The following FAM135B variants were observed in gnomAD, a reference collection of about 807,000 sequenced individuals.
The protein encoded by FAM135B is family with sequence similarity 135 member B, also known as protein FAM135B.
Under a neutral mutation model 127.7 loss-of-function variants are expected in FAM135B, and 43 were observed. That is an observed-to-expected ratio of 0.34 (90% confidence interval 0.26 to 0.43). FAM135B has a LOEUF of 0.43. Ranked by LOEUF, FAM135B falls within the 20% of genes least tolerant of loss-of-function variation. The pLI is 1.00. For missense variants in FAM135B, 1,558 were observed against 1,725.6 expected, an observed-to-expected ratio of 0.90 and a Z score of 1.72; for synonymous variants, 670 against 665.1, an observed-to-expected ratio of 1.01 and a Z score of -0.11.
At chr8:138,447,356 A>G (rs80142775) in intron 1 of FAM135B, among the ~76,000 whole-genome samples, 80,907 of 151,438 alleles carry the variant, frequency 0.53, 22,339 homozygotes, top group African/African-American at 0.65. Context: ...ACATGCACAC[A>G]TATGTTTATT....
At chr8:138,228,255 T>G (rs963895101) in intron 7 of FAM135B, among the ~76,000 whole-genome samples, 12 of 152,042 alleles carry the variant, frequency 7.9e-5, no homozygotes, top group African/African-American at 2.9e-4. Flanking sequence ...GGTAATATTT[T>G]TTTTTACTGC....
At chr8:138,342,979 A>T (rs1829158261) in intron 2 of FAM135B, among the ~76,000 whole-genome samples, 1 of 152,254 alleles carries the variant, frequency 6.6e-6, no homozygotes, top group African/African-American at 2.4e-5. Context: ...TGAGGTCTGT[A>T]TATTGATATA....
chr8:138,184,477 C>T (rs1434887537), intron 9 of FAM135B, among the ~76,000 whole-genome samples: 1 of 152,140 alleles, frequency 6.6e-6, no homozygotes, highest in Non-Finnish European at 1.5e-5. Context: ...CATACGGGGC[C>T]TTGTGGTTAC....
At chr8:138,383,423 A>G (rs1004144262) in intron 1 of FAM135B, among the ~76,000 whole-genome samples, 8 of 152,244 alleles carry the variant, frequency 5.3e-5, no homozygotes, top group Non-Finnish European at 1.0e-4. Context: ...CACAAAGGGA[A>G]TAGATGCATG....
At chr8:138,391,266 G>A (rs909289952) in intron 1 of FAM135B, among the ~76,000 whole-genome samples, 4 of 152,014 alleles carry the variant, frequency 2.6e-5, no homozygotes, top group Admixed American at 2.6e-4. Context: ...CTGTCTTATT[G>A]CCAGTGGGGG....
At chr8:138,224,301 A>G (rs1353135225) in intron 7 of FAM135B, among the ~76,000 whole-genome samples, 3 of 152,242 alleles carry the variant, frequency 2.0e-5, no homozygotes, top group Non-Finnish European at 4.4e-5. Flanking sequence ...TCAGGAAGGC[A>G]TAGGTGTCCA....
chr8:138,162,809 T>C (rs1205119959), intron 12 of FAM135B, among the ~76,000 whole-genome samples: 3 of 152,080 alleles, frequency 2.0e-5, no homozygotes, highest in Admixed American at 6.5e-5. Flanking sequence ...AGGTATGGGG[T>C]GTATGACGTC....
intron 1 of FAM135B, among the ~76,000 whole-genome samples, chr8:138,455,018 T>G (rs1358512215): frequency 6.6e-6 from 1 of 152,226 alleles, no homozygotes; most frequent in Non-Finnish European, 1.5e-5. Flanking sequence ...TTAGGGAACC[T>G]AGCTGAAATT....
At chr8:138,437,442 T>C (rs930591299) in intron 1 of FAM135B, 1 of 152,198 alleles carries the variant, frequency 6.6e-6, no homozygotes, top group Non-Finnish European at 1.5e-5. Context: ...TAAGGGGCTC[T>C]TCCCCCTTCA....
chr8:138,251,141 A>C (rs1821671251), intron 5 of FAM135B, 127 bp from the exon 6 acceptor site: 2 of 1,089,498 alleles, frequency 1.8e-6, no homozygotes, highest in African/African-American at 1.6e-5. Flanking sequence ...CAATCCTGCA[A>C]ATGCTCTGCC....
rs980830905 is a variant in FAM135B, at chr8:138,242,853, T to C, written c.669+89A>G. On this transcript the variant is annotated intron_variant, in intron 7 of 19. Transcript: ENST00000395297. The surrounding 1 kb of genome is among the most constrained non-coding windows in gnomAD (Gnocchi z 9.6). ...AATTAGCAAAAATCTCTGAAGGGGA[T>C]GTTTCAAAGAAGCATGAATCTCATA... 1.3e-6 allele frequency: 2 copies of C among 1,483,828 alleles called. No individual in the cohort carries two copies. The highest frequency in any genetic ancestry group is 1.8e-6 in the Non-Finnish European group (2 of 1,111,838). The allele number at this position is 1,483,828 out of a possible 1,614,324, so 91.9% of individuals were successfully genotyped here. A position where few individuals can be genotyped will look rare whatever the true frequency, so the allele number is the denominator to read the frequency against.
At chr8:138,296,046 A>G (rs1003234232) in intron 3 of FAM135B, among the ~76,000 whole-genome samples, 3 of 152,160 alleles carry the variant, frequency 2.0e-5, no homozygotes, top group Admixed American at 6.5e-5. Flanking sequence ...TAAGGCTCAG[A>G]TATTTGCTGC....
At chr8:138,236,803 C>A (rs1260209178) in intron 7 of FAM135B, among the ~76,000 whole-genome samples, 1 of 152,064 alleles carries the variant, frequency 6.6e-6, no homozygotes, top group Admixed American at 6.6e-5. Context: ...TTAATTATTC[C>A]TTTGTTTCAT....
chr8:138,197,452 A>T (rs981264583), intron 8 of FAM135B, 64 bp downstream of exon 8: 1 of 1,563,142 alleles, frequency 6.4e-7, no homozygotes, highest in Admixed American at 1.8e-5. Flanking sequence ...GCTTTTCCCC[A>T]TCCCTTGTGT....
chr8:138,342,997 C>A (rs1170206456), intron 2 of FAM135B, among the ~76,000 whole-genome samples: 1 of 152,244 alleles, frequency 6.6e-6, no homozygotes, highest in East Asian at 1.9e-4. Flanking sequence ...ATATCAGTGA[C>A]ATTTTCTTCC....
intron 2 of FAM135B, among the ~76,000 whole-genome samples, chr8:138,340,581 C>G (rs193202282): frequency 1.3e-5 from 2 of 152,152 alleles, no homozygotes; most frequent in Non-Finnish European, 2.9e-5. Flanking sequence ...GTTCATCATT[C>G]CTGACCTAGG....
At chr8:138,395,301 G>A (rs1052644357) in intron 1 of FAM135B, among the ~76,000 whole-genome samples, 5 of 152,166 alleles carry the variant, frequency 3.3e-5, no homozygotes, top group Non-Finnish European at 7.3e-5. Flanking sequence ...AGAACTGCCA[G>A]CCCCAAAATA....
rs191466143 is a variant in FAM135B, at chr8:138,353,439, G to A, written c.77+14468C>T. ...TAGCCTTGGGATGCTCCCACCTTCT[G>A]GCTCTCACATTTCTTTGATTCTTTG... is the stretch of plus-strand genomic sequence containing the variant. On this transcript the variant is annotated intron_variant, in intron 2 of 19. Coordinates refer to ENST00000395297, the MANE Select transcript of FAM135B (RefSeq NM_015912.4). 3.4e-3 allele frequency among the ~76,000 whole-genome samples: 514 copies of A among 152,138 alleles called. 27 individuals are homozygous for A. The highest frequency in any genetic ancestry group is 0.033 in the Admixed American group (505 of 15,262).
chr8:138,213,511 T>C (rs1264902010), intron 7 of FAM135B, among the ~76,000 whole-genome samples: 1 of 151,108 alleles, frequency 6.6e-6, no homozygotes, highest in African/African-American at 2.4e-5. Context: ...TAATTTCTTT[T>C]TTTTTTTTTT....
Sources: allele counts gnomAD v4.1 joint callset (sites outside exome capture counted in the v4.1 genomes callset), GRCh38; gene constraint gnomAD v4.1.1; non-coding constraint Gnocchi (gnomAD v3.1); transcripts MANE v1.5; gene names NCBI Gene and HGNC (gene_info 2026-07-23, HGNC 2026-07-21).